EXOSC5: variants seen among roughly 807,000 people sequenced by gnomAD.
The protein encoded by EXOSC5 is exosome component 5.
Under a neutral mutation model 23.7 loss-of-function variants are expected in EXOSC5, and 15 were observed. The observed-to-expected ratio is 0.63, with a 90% CI of 0.42 to 0.97. EXOSC5 has a LOEUF of 0.97. EXOSC5 is among the 50% of genes least tolerant of loss of function. EXOSC5 has a pLI of 0.00. For missense variants in EXOSC5, 305 were observed against 316.3 expected, an observed-to-expected ratio of 0.96 and a Z score of 0.27; for synonymous variants, 143 against 140.9, an observed-to-expected ratio of 1.02 and a Z score of -0.11.
chr19:41,390,994 C>T lies in EXOSC5; in HGVS notation c.384+847G>A, dbSNP rs189491773. Reference sequence around the variant, plus strand: ...CTCAGACATGGAGATCTTACAAGGCCACGCTCCTGACTCAGCTGCTGTCTG... The same window carrying T: ...CTCAGACATGGAGATCTTACAAGGCTACGCTCCTGACTCAGCTGCTGTCTG... On this transcript the variant is annotated intron_variant, in intron 3 of 5. Transcript: ENST00000221233. 1.2e-3 allele frequency among the ~76,000 whole-genome samples: 187 copies of T among 152,270 alleles called. 1 individual carries two copies. The highest frequency in any genetic ancestry group is 4.3e-3 in the African/African-American group (179 of 41,546).
chr19:41,389,780 T>G lies in EXOSC5; in HGVS notation c.510A>C (p.Thr170=), dbSNP rs753440340. 6.2e-7 allele frequency: 1 copy of G among 1,613,612 alleles called. No individual in the cohort carries two copies. Among genetic ancestry groups the G allele is most frequent in the Non-Finnish European group, 8.5e-7 (1 of 1,179,824 alleles). ...DSDGTLVLDP[T]SKQEKEARAV... ...TCACACCTACCTTTTCTTGCTTGGATGTAGGATCCAGCACGAGGGTCCCAT... is the reference window on the plus strand; with the variant it reads ...TCACACCTACCTTTTCTTGCTTGGAGGTAGGATCCAGCACGAGGGTCCCAT... The change falls in exon 4 of 6, where the codon ACA becomes ACC. Residue 170 remains threonine, a synonymous_variant. Coordinates refer to ENST00000221233, the MANE Select transcript of EXOSC5 (RefSeq NM_020158.4).
chr19:41,391,707 G>T, intron 3 of EXOSC5, 134 bp downstream of exon 3: 1 of 1,236,322 alleles, frequency 8.1e-7, no homozygotes, highest in Non-Finnish European at 1.1e-6. Context: ...CAGGCTGTTT[G>T]CTCTCCTTCT....
chr19:41,389,353 C>T (rs901853389), intron 4 of EXOSC5, among the ~76,000 whole-genome samples: 37 of 152,082 alleles, frequency 2.4e-4, no homozygotes, highest in African/African-American at 8.5e-4. Flanking sequence ...ACAACCTCCG[C>T]GTCCTGGGTT....
chr19:41,389,753 C>G lies in EXOSC5; in HGVS notation c.525+12G>C. The stretch of plus-strand genomic sequence containing the variant: ...GCCTCTGCCCTTCAGCCACCCTGGT[C>G]TTCACACCTACCTTTTCTTGCTTGG... On this transcript the variant is annotated intron_variant, in intron 4 of 5. Transcript: ENST00000221233. 6.2e-7 allele frequency: 1 copy of G among 1,611,010 alleles called. No individual in the cohort carries two copies. Among genetic ancestry groups the G allele is most frequent in the Non-Finnish European group, 8.5e-7 (1 of 1,178,730 alleles).
chr19:41,390,738 T>G (rs1002273998), intron 3 of EXOSC5, among the ~76,000 whole-genome samples: 3 of 125,826 alleles, frequency 2.4e-5, no homozygotes, highest in African/African-American at 8.5e-5. Flanking sequence ...CTAATGTGTT[T>G]CTTCTCCAGG....
intron 4 of EXOSC5, among the ~76,000 whole-genome samples, chr19:41,387,948 C>T (rs2038996599): frequency 6.6e-6 from 1 of 152,050 alleles, no homozygotes; most frequent in Non-Finnish European, 1.5e-5. Flanking sequence ...ACAGTGAGAC[C>T]CTGTCTCAAC....
At chr19:41,391,674 T>A (rs1271858730) in intron 3 of EXOSC5, 167 bp downstream of exon 3, 1 of 822,994 alleles carries the variant, frequency 1.2e-6, no homozygotes, top group Non-Finnish European at 1.8e-6. Context: ...CACAGAACAG[T>A]GCCTGGCACA....
intron 1 of EXOSC5, among the ~76,000 whole-genome samples, chr19:41,395,909 A>C (rs935759793): frequency 6.6e-6 from 1 of 152,166 alleles, no homozygotes; most frequent in Non-Finnish European, 1.5e-5. Flanking sequence ...ATCTGGGCAG[A>C]AACCTTAGTT....
chr19:41,392,898 T>C lies in EXOSC5; in HGVS notation c.231A>G (p.Glu77=). 1 of 1,613,906 alleles carries C rather than the reference T, an allele frequency of 6.2e-7. No individual in the cohort carries two copies. Among genetic ancestry groups the C allele is most frequent in the Non-Finnish European group, 8.5e-7 (1 of 1,179,996 alleles). The part of the protein sequence containing the change: ...SKEIFNKATL[E]VILRPKIGLP... ...GCCCAATCTTCGGCCTCAGGATCAC[T>C]TCGAGTGTGGCCTTGTTGAAAATCT... The change falls in exon 2 of 6, where the codon GAA becomes GAG. Residue 77 remains glutamate (E), a synonymous_variant. Transcript: ENST00000221233.
In EXOSC5 at chr19:41,397,263, C is replaced by G; in HGVS notation, c.66G>C (p.Arg22=). The change falls in exon 1 of 6, where the codon CGG becomes CGC. Residue 22 remains arginine, a synonymous_variant. Coordinates refer to ENST00000221233, the MANE Select transcript of EXOSC5 (RefSeq NM_020158.4). ...RAENGTGSSP[R]GPGCSLRHFA... ...AGTGCCGGAGGCTGCAGCCAGGACC[C>G]CGAGGGCTGGACCCTGTTCCATTTT... 1 of 1,614,236 alleles carries G rather than the reference C, an allele frequency of 6.2e-7. No homozygotes were observed. The highest frequency in any genetic ancestry group is 8.5e-7 in the Non-Finnish European group (1 of 1,180,034).
chr19:41,390,001 C>A (rs891336936), intron 3 of EXOSC5, 96 bp from the exon 4 acceptor site: 1 of 1,387,124 alleles, frequency 7.2e-7, no homozygotes, highest in African/African-American at 1.5e-5. Flanking sequence ...GGTGTGATCT[C>A]GGCTCACTGC....
Position 41,386,443 on chromosome 19 carries a change from G to C in EXOSC5, c.*190C>G, listed in dbSNP as rs888278792. ...GCTCCTTTGAATGTTATCCTTGCTG[G>C]GGGGATCTGTGCCCCCAGGCCTGGG... On this transcript the variant is annotated 3_prime_UTR_variant, in exon 6 of 6. Coordinates refer to ENST00000221233, the MANE Select transcript of EXOSC5 (RefSeq NM_020158.4). 1.4e-5 allele frequency: 8 copies of C among 561,782 alleles called. No homozygotes were observed. Among genetic ancestry groups the C allele is most frequent in the Non-Finnish European group, 2.2e-5 (7 of 316,320 alleles). The allele number at this position is 561,782 out of a possible 1,614,324, so 34.8% of individuals were successfully genotyped here. A position where few individuals can be genotyped will look rare whatever the true frequency, so the allele number is the denominator to read the frequency against.
chr19:41,396,841 T>TG (rs1204966949), intron 1 of EXOSC5, among the ~76,000 whole-genome samples: 4 of 97,168 alleles, frequency 4.1e-5, no homozygotes, highest in East Asian at 4.0e-4. Flanking sequence ...GGTGTGTGTG[T>TG]GGGGGGTGGG....
At chr19:41,387,958 C>T (rs1206145059) in intron 4 of EXOSC5, among the ~76,000 whole-genome samples, 3 of 152,106 alleles carry the variant, frequency 2.0e-5, no homozygotes, top group Admixed American at 6.6e-5. Flanking sequence ...CCTGTCTCAA[C>T]GCTCCCCTTC....
rs1393219644 is a variant in EXOSC5 at position 41,392,553 on chromosome 19, C to T, written c.262+314G>A. Among the ~76,000 whole-genome samples the T allele has an allele frequency of 2.0e-5, 3 of 151,540 alleles. No individual in the cohort carries two copies. In the South Asian group the frequency reaches 6.3e-4, roughly 32 times the overall value. On this transcript the variant is annotated intron_variant, in intron 2 of 5. Coordinates refer to ENST00000221233, the MANE Select transcript of EXOSC5 (RefSeq NM_020158.4). ...GAGCTGAGATCGTGCCACTGCACTC[C>T]AGCCGGGGTGACAGAGCGAGACACT... is the stretch of plus-strand genomic sequence containing the variant.
chr19:41,393,063 G>T, intron 1 of EXOSC5, 83 bp from the exon 2 acceptor site: 7 of 1,068,260 alleles, frequency 6.6e-6, no homozygotes, highest in Non-Finnish European at 8.6e-6. Context: ...GACGGCCAGG[G>T]CTCCCCACGT....
rs1199535970 is a variant in EXOSC5, at chr19:41,386,552, A to G, written c.*81T>C. 5.0e-6 allele frequency: 7 copies of G among 1,401,118 alleles called. No homozygotes were observed. Among genetic ancestry groups the G allele is most frequent in the Non-Finnish European group, 6.8e-6 (7 of 1,024,296 alleles). The allele number at this position is 1,401,118 out of a possible 1,614,324, so 86.8% of individuals were successfully genotyped here. A position where few individuals can be genotyped will look rare whatever the true frequency, so the allele number is the denominator to read the frequency against. On this transcript the variant is annotated 3_prime_UTR_variant, in exon 6 of 6. Coordinates refer to ENST00000221233, the MANE Select transcript of EXOSC5 (RefSeq NM_020158.4). ...AAGGAGCCCATGGGTCAGAGAGGCA[A>G]GGCTGGGCTGCTGGTTTGCTTCAGG... is the stretch of plus-strand genomic sequence containing the variant.
At chr19:41,391,813 G>A (rs1188485318) in intron 3 of EXOSC5, 28 bp downstream of exon 3, 1 of 1,485,332 alleles carries the variant, frequency 6.7e-7, no homozygotes, top group Non-Finnish European at 8.9e-7. Flanking sequence ...GAGACTTCCT[G>A]GAGGAGGAGG....
At chr19:41,394,509 A>T (rs1568497951) in intron 1 of EXOSC5, among the ~76,000 whole-genome samples, 1 of 151,220 alleles carries the variant, frequency 6.6e-6, no homozygotes, top group Non-Finnish European at 1.5e-5. Flanking sequence ...GCATAGGAAG[A>T]CTCCTGTCTC....
Sources: gnomAD v4.1 joint callset for allele counts (sites outside exome capture counted in the v4.1 genomes callset) on GRCh38, gnomAD v4.1.1 for gene constraint, MANE v1.5 for transcripts, NCBI Gene and HGNC (gene_info 2026-07-23, HGNC 2026-07-21) for gene names.